Variants in PTX4 observed in about 807,000 individuals in gnomAD.
PTX4 encodes pentraxin 4.
PTX4 carries 23 observed loss-of-function variants against 19.1 expected under a neutral mutation model. The observed-to-expected ratio is 1.20, with a 90% confidence interval of 0.87 to 1.70. The LOEUF (loss-of-function observed/expected upper bound fraction) is 1.70, where lower values mean the gene tolerates loss of function less well. PTX4 is among the 40% of genes most tolerant of loss of function. PTX4 has a pLI of 0.00. For synonymous variants in PTX4, 317 were observed against 279.6 expected (o/e 1.13, Z -1.33); for missense variants, 678 against 610.5 (o/e 1.11, Z -1.17).
chr16:1,488,022 C>A (rs1008897017), intron 1 of PTX4, 52 bp from the exon 2 acceptor site: 1 of 1,508,440 alleles, frequency 6.6e-7, no homozygotes, highest in Non-Finnish European at 8.9e-7. Context: ...GCCGGCTGGG[C>A]GGGACGGGAA....
intron 1 of PTX4, chr16:1,488,326 C>A (rs2039268595): frequency 1.2e-6 from 2 of 1,610,760 alleles, no homozygotes; most frequent in Non-Finnish European, 1.7e-6. Context: ...CTTTACGAGG[C>A]CCAAACAGGA....
rs768611798 is a variant in PTX4 at position 1,485,959 on chromosome 16, A to G, written c.1417T>C (p.Cys473Arg). 1 of 1,608,008 alleles carries G rather than the reference A, an allele frequency of 6.2e-7. No individual in the cohort carries two copies. The highest frequency in any genetic ancestry group is 8.5e-7 in the Non-Finnish European group (1 of 1,178,572). ...CGGCCTCAGGGACAGCGTTCCAGGC[A>G]GGTGCAGTTGGCCCCCTGCACAAAT... ...GGFVQGANCTCLERCP is the reference protein window; with the variant it reads ...GGFVQGANCTRLERCP Residue 473 changes from cysteine (C) to arginine (R), a missense_variant, in exon 3 of 3, where the codon TGC becomes CGC. Cys to Arg is a radical substitution (Grantham distance 180). Transcript: ENST00000447419.
rs757383052 is a variant in PTX4, at chr16:1,488,920, G to A, written c.-11C>T. On this transcript the variant is annotated 5_prime_UTR_variant, in exon 1 of 3. Transcript: ENST00000447419. ...CCACGAGCAACCCATCCGGAGAGAC[G>A]GCAAGGCCCCAGCAGTCTCCCTCCA... The A allele has an allele frequency of 1.0e-5, 7 of 693,006 alleles. No individual in the cohort carries two copies. Among genetic ancestry groups the A allele is most frequent in the South Asian group, 4.5e-5 (3 of 67,010 alleles). The allele number at this position is 693,006 out of a possible 1,614,324, so 42.9% of individuals were successfully genotyped here.
chr16:1,486,722 G>T (rs2039249822), intron 2 of PTX4, 143 bp from the exon 3 acceptor site: 3 of 835,332 alleles, frequency 3.6e-6, no homozygotes, highest in African/African-American at 1.7e-5. Context: ...CCTGCCGATG[G>T]CTCCCCTGCA....
intron 1 of PTX4, chr16:1,488,507 C>G: frequency 6.3e-7 from 1 of 1,583,860 alleles, no homozygotes; most frequent in Non-Finnish European, 8.6e-7. Context: ...TCCCCTGACT[C>G]CCTTCCAGAC....
chr16:1,487,497 C>T lies in PTX4; in HGVS notation c.615G>A (p.Lys205=), dbSNP rs1165864953. The T allele has an allele frequency of 1.3e-6, 2 of 1,512,632 alleles. No individual in the cohort carries two copies. Among genetic ancestry groups the T allele is most frequent in the East Asian group, 4.6e-5 (2 of 43,180 alleles). 93.7% of individuals were successfully genotyped at this position (1,512,632 alleles called of 1,614,324 possible). Residue 205 remains lysine, a synonymous_variant, in exon 2 of 3, where the codon AAG becomes AAA. Transcript: ENST00000447419. ...GGAGCTCCTGCCTGTCCCTCTGAAG[C>T]TTCAGGGAGGTCGGGCCCAGCTCCT... is the stretch of plus-strand genomic sequence containing the variant. The part of the protein sequence containing the change: ...QPEELGPTSL[K]LQRDRQELRA...
chr16:1,487,972 T>A lies in PTX4; in HGVS notation c.142-2A>T, dbSNP rs771397096. 1.3e-6 allele frequency: 2 copies of A among 1,567,862 alleles called. No homozygotes were observed. Among genetic ancestry groups the A allele is most frequent in the South Asian group, 2.4e-5 (2 of 85,098 alleles). ...GGTCACCTCCTGGAATCTCCGGAAC[T>A]GTAAGGAGGACACGGTGATGATGGG... On this transcript the variant is annotated splice_acceptor_variant, in intron 1 of 2. Coordinates refer to ENST00000447419, the MANE Select transcript of PTX4 (RefSeq NM_001328608.2). LOFTEE classifies it high-confidence loss of function.
Position 1,486,179 on chromosome 16 carries a change from C to A in PTX4, c.1197G>T (p.Gly399=). The stretch of plus-strand genomic sequence containing the variant: ...CTTGTTCCTGGCCCAGCACGAGGGA[C>A]CCTCCGGGGGGGATCTCATAGCCCT... ...FREGYEIPPG[G]SLVLGQEQDS... Residue 399 remains glycine, a synonymous_variant, in exon 3 of 3, where the codon GGG becomes GGT. Transcript: ENST00000447419. 6.2e-7 allele frequency: 1 copy of A among 1,613,980 alleles called. No individual in the cohort carries two copies.
Position 1,486,555 on chromosome 16 carries a change from A to T in PTX4, c.821T>A (p.Val274Asp), listed in dbSNP as rs1033397244. ...GTTCCTGGTGGAGGCGTTTGGGAAAACGAGGGTGGGGCCCACGCCGCAAAC... is the reference window on the plus strand; with the variant it reads ...GTTCCTGGTGGAGGCGTTTGGGAAATCGAGGGTGGGGCCCACGCCGCAAAC... ...GEICGVGPTL[V>D]FPNASTRNVV... Residue 274 changes from valine (V) to aspartate (D), a missense_variant, in exon 3 of 3, where the codon GTT (valine) becomes GAT (aspartate). Coordinates refer to ENST00000447419, the MANE Select transcript of PTX4 (RefSeq NM_001328608.2). 1.5e-5 allele frequency: 23 copies of T among 1,557,512 alleles called. No homozygotes were observed. The highest frequency in any genetic ancestry group is 2.0e-5 in the Non-Finnish European group (23 of 1,153,754).
Position 1,487,671 on chromosome 16 carries a change from C to T in PTX4, c.441G>A (p.Arg147=), listed in dbSNP as rs2039259774. The T allele has an allele frequency of 1.2e-6, 2 of 1,605,872 alleles. No individual in the cohort carries two copies. Among genetic ancestry groups the T allele is most frequent in the African/African-American group, 2.7e-5 (2 of 74,812 alleles). The part of the protein sequence containing the change: ...ARERKAHKAQ[R]DALQDSLARL... ...GTGCCAGTGAGTCCTGCAGGGCGTC[C>T]CTCTGGGCCTTGTGTGCCTTCCTTT... is the stretch of plus-strand genomic sequence containing the variant. Residue 147 remains arginine, a synonymous_variant, in exon 2 of 3, where the codon AGG becomes AGA. Coordinates refer to ENST00000447419, the MANE Select transcript of PTX4 (RefSeq NM_001328608.2).
chr16:1,486,815 G>A (rs1318204574), intron 2 of PTX4, among the ~76,000 whole-genome samples: 2 of 152,150 alleles, frequency 1.3e-5, no homozygotes, highest in African/African-American at 4.8e-5. Flanking sequence ...CGGGAGTGGC[G>A]GGGTCCTGCT....
chr16:1,488,348 C>T, intron 1 of PTX4: 1 of 1,613,508 alleles, frequency 6.2e-7, no homozygotes, highest in Non-Finnish European at 8.5e-7. Context: ...GCACCCAGCG[C>T]AGGCCCGACA....
Position 1,487,329 on chromosome 16 carries a change from C to T in PTX4, c.783G>A (p.Gln261=), listed in dbSNP as rs761990176. 5.8e-6 allele frequency: 9 copies of T among 1,548,574 alleles called. No individual in the cohort carries two copies. The South Asian group carries it at 1.1e-4, about 19-fold the overall frequency. Residue 261 remains glutamine, a synonymous_variant, in exon 2 of 3, where the codon CAG becomes CAA. Coordinates refer to ENST00000447419, the MANE Select transcript of PTX4 (RefSeq NM_001328608.2). The part of the protein sequence containing the change: ...KDPRQQAWSP[Q]VPGEICGVGP... ...TGTGGTACTTACTCTCTCCTGGCAC[C>T]TGGGGGGACCATGCCTGCTGCCGAG...
At chr16:1,486,750 T>C (rs2039250007) in intron 2 of PTX4, among the ~76,000 whole-genome samples, 171 bp from the exon 3 acceptor site, 2 of 152,188 alleles carry the variant, frequency 1.3e-5, no homozygotes, top group African/African-American at 4.8e-5. Context: ...CTTCACTCTC[T>C]TGATGGGATC....
Position 1,486,391 on chromosome 16 carries a change from C to A in PTX4, c.985G>T (p.Gly329Cys). The change falls in exon 3 of 3, where the codon GGC becomes TGC. Residue 329 changes from glycine (G) to cysteine (C), a missense_variant. Gly to Cys is a radical substitution (Grantham distance 159). Coordinates refer to ENST00000447419, the MANE Select transcript of PTX4 (RefSeq NM_001328608.2). ...EDNDNKLVLH[G>C]RDSLLPGSIH... Reference sequence around the variant, plus strand: ...GATCCGGGCAGCAGGGAGTCTCGGCCGTGCAGCACCAGCTTGTTGTCATTG... The same window carrying A: ...GATCCGGGCAGCAGGGAGTCTCGGCAGTGCAGCACCAGCTTGTTGTCATTG... 3.7e-6 allele frequency: 6 copies of A among 1,613,938 alleles called. No homozygotes were observed. Among genetic ancestry groups the A allele is most frequent in the Non-Finnish European group, 5.1e-6 (6 of 1,179,952 alleles).
Sources: allele counts gnomAD v4.1 joint callset (sites outside exome capture counted in the v4.1 genomes callset), GRCh38; gene constraint gnomAD v4.1.1; transcripts MANE v1.5; gene names NCBI Gene and HGNC (gene_info 2026-07-23, HGNC 2026-07-21).